Variants in GPR158 observed in about 807,000 individuals in gnomAD.
GPR158 encodes the protein G protein-coupled receptor 158.
In GPR158, 30 loss-of-function variants were observed where a neutral mutation model predicts 78.2. The observed-to-expected ratio is 0.38, with a 90% CI of 0.29 to 0.52. GPR158 has a LOEUF of 0.52. Ranked by LOEUF, GPR158 falls within the 20% of genes least tolerant of loss-of-function variation. The pLI is 0.83. For synonymous variants in GPR158, 581 were observed against 591.1 expected (o/e 0.98, Z 0.25); for missense variants, 1,463 against 1,523.5 (o/e 0.96, Z 0.66).
chr10:25,459,950 C>T (rs1368446428), intron 4 of GPR158, among the ~76,000 whole-genome samples: 1 of 152,104 alleles, frequency 6.6e-6, no homozygotes, highest in East Asian at 1.9e-4. Flanking sequence ...ATATACTCAC[C>T]TCTATTGTAA....
At chr10:25,363,838 G>A (rs1166655069) in intron 2 of GPR158, among the ~76,000 whole-genome samples, 1 of 151,828 alleles carries the variant, frequency 6.6e-6, no homozygotes, top group Non-Finnish European at 1.5e-5. Flanking sequence ...CAGGGTCCAT[G>A]GCAACTGAAA....
chr10:25,239,871 T>G (rs1853579705), intron 2 of GPR158, among the ~76,000 whole-genome samples: 1 of 152,148 alleles, frequency 6.6e-6, no homozygotes, highest in South Asian at 2.1e-4. Flanking sequence ...AATGAGTATT[T>G]AATATATCTT....
At chr10:25,535,592 G>A (rs1195210731) in intron 5 of GPR158, among the ~76,000 whole-genome samples, 2 of 152,210 alleles carry the variant, frequency 1.3e-5, no homozygotes, top group African/African-American at 4.8e-5. Context: ...GGCTGGCAGT[G>A]CCTGGATGAA....
chr10:25,444,412 AGT>A (rs749720392), intron 4 of GPR158, among the ~76,000 whole-genome samples: 5 of 146,908 alleles, frequency 3.4e-5, no homozygotes, highest in African/African-American at 1.0e-4. Flanking sequence ...TATGTGGGTG[AGT>A]GTGAGTGTAT....
At chr10:25,596,257 ACTCT>A (rs2130754058) in intron 9 of GPR158, among the ~76,000 whole-genome samples, 1 of 152,290 alleles carries the variant, frequency 6.6e-6, no homozygotes, top group Admixed American at 6.5e-5. Context: ...GAGGGCAGGA[ACTCT>A]ATGATATTCA....
chr10:25,325,096 G>C (rs562115278), intron 2 of GPR158, among the ~76,000 whole-genome samples: 4 of 152,058 alleles, frequency 2.6e-5, no homozygotes, highest in African/African-American at 9.6e-5. Flanking sequence ...CTCCCACCTT[G>C]ATCTCCCAAA....
intron 2 of GPR158, among the ~76,000 whole-genome samples, chr10:25,395,100 A>G (rs1276563539): frequency 3.3e-5 from 5 of 152,156 alleles, no homozygotes; most frequent in African/African-American, 9.7e-5. Context: ...ATTCCTTGCT[A>G]TGTAATTAAA....
intron 4 of GPR158, among the ~76,000 whole-genome samples, chr10:25,438,876 G>GA (rs1430499527): frequency 1.3e-5 from 2 of 151,786 alleles, no homozygotes; most frequent in Non-Finnish European, 2.9e-5. Context: ...CTGCCATTTA[G>GA]AAAAAAAATC....
intron 2 of GPR158, among the ~76,000 whole-genome samples, chr10:25,371,893 A>C (rs1210282811): frequency 7.1e-6 from 1 of 139,942 alleles, no homozygotes; most frequent in Non-Finnish European, 1.6e-5. Flanking sequence ...GCACAGCAAA[A>C]GAAACTACCA....
At chr10:25,443,035 G>C (rs1835089030) in intron 4 of GPR158, among the ~76,000 whole-genome samples, 2 of 152,070 alleles carry the variant, frequency 1.3e-5, no homozygotes, top group Admixed American at 1.3e-4. Context: ...GTATGGTCAT[G>C]GTTGACATGG....
At chr10:25,220,953 G>T (rs1412930469) in intron 1 of GPR158, 99 bp from the exon 2 acceptor site, 10 of 715,232 alleles carry the variant, frequency 1.4e-5, no homozygotes, top group Non-Finnish European at 2.3e-5. Flanking sequence ...ACAATTTTTG[G>T]CATGTTCTTT....
intron 2 of GPR158, among the ~76,000 whole-genome samples, chr10:25,310,338 TCCAAGTTTGTTCTTTTTCGG>T: frequency 6.6e-6 from 1 of 152,186 alleles, no homozygotes; most frequent in Non-Finnish European, 1.5e-5. Flanking sequence ...GTGTTAGTCC[TCCAAGTTTGTTCTTTTTCGG>T]GATTGCTTTT....
intron 5 of GPR158, among the ~76,000 whole-genome samples, chr10:25,487,700 ATTCATATAGGG>A (rs373452986): frequency 0.068 from 10,317 of 152,114 alleles, 1,002 homozygotes; most frequent in African/African-American, 0.22. Flanking sequence ...GACCCATTTT[ATTCATATAGGG>A]TAAGTTAAGG....
chr10:25,275,277 G>C (rs1283366145), intron 2 of GPR158, among the ~76,000 whole-genome samples: 5 of 152,122 alleles, frequency 3.3e-5, no homozygotes, highest in Non-Finnish European at 5.9e-5. Flanking sequence ...TCAGGAGCAA[G>C]GTTTTTGAAG....
At position 25,312,042 on chromosome 10, in the gene GPR158, T is replaced by A. The variant is rs552363626; in HGVS notation, c.1009-83869T>A. On this transcript the variant is annotated intron_variant, in intron 2 of 10. Coordinates refer to ENST00000376351, the MANE Select transcript of GPR158 (RefSeq NM_020752.3). ...TTGGTCAAACTATATGAAAATTATC[T>A]GGCCTTATACAAATTTGTAGTTGGA... is the stretch of plus-strand genomic sequence containing the variant. Among the ~76,000 whole-genome samples, 37 of 152,172 alleles carry A rather than the reference T, an allele frequency of 2.4e-4. 1 individual carries two copies. The South Asian group carries it at 7.3e-3, about 30-fold the overall frequency.
chr10:25,353,129 A>C (rs118121131), intron 2 of GPR158, among the ~76,000 whole-genome samples: 2,469 of 152,166 alleles, frequency 0.016, 31 homozygotes, highest in Non-Finnish European at 0.024. Context: ...TAATGACTTT[A>C]ACTATCTACA....
chr10:25,527,572 G>T (rs538799169), intron 5 of GPR158, among the ~76,000 whole-genome samples: 2 of 152,236 alleles, frequency 1.3e-5, no homozygotes, highest in South Asian at 4.1e-4. Flanking sequence ...TTAGTAGGAT[G>T]CAGCCAAAGC....
At chr10:25,526,884 C>A (rs960353424) in intron 5 of GPR158, among the ~76,000 whole-genome samples, 4 of 152,114 alleles carry the variant, frequency 2.6e-5, no homozygotes, top group Non-Finnish European at 5.9e-5. Flanking sequence ...CAAAGATTAC[C>A]AGACTGGCAA....
chr10:25,239,961 G>A (rs1433600711), intron 2 of GPR158, among the ~76,000 whole-genome samples: 1 of 152,124 alleles, frequency 6.6e-6, no homozygotes, highest in South Asian at 2.1e-4. Flanking sequence ...TTATAAAGTA[G>A]TATAGTATGC....
Sources: gnomAD v4.1 joint callset for allele counts (sites outside exome capture counted in the v4.1 genomes callset) on GRCh38, gnomAD v4.1.1 for gene constraint, MANE v1.5 for transcripts, NCBI Gene and HGNC (gene_info 2026-07-23, HGNC 2026-07-21) for gene names.